Variants in UBXN6 observed in about 807,000 individuals in gnomAD.
UBXN6 encodes the protein UBX domain-containing protein 6.
UBXN6 carries 44 observed loss-of-function variants against 51.4 expected under a neutral mutation model. That is an observed-to-expected ratio of 0.86 (90% CI 0.67 to 1.10). UBXN6 has a LOEUF of 1.10. Among genes scored for constraint, UBXN6 ranks in the 50% least tolerant of loss-of-function variants. UBXN6 has a pLI of 0.00. For missense variants in UBXN6, 672 were observed against 596.1 expected, an observed-to-expected ratio of 1.13 and a Z score of -1.32; for synonymous variants, 316 against 263.2, an observed-to-expected ratio of 1.20 and a Z score of -1.94.
rs540309030 is a variant in UBXN6, at chr19:4,445,323, A to G, written c.*175T>C. Reference sequence around the variant, plus strand: ...GGCGCATCCCCACAGCCCCCAAGGGATGGGGGCTCTGCCACGGGGCCCAAT... The same window carrying G: ...GGCGCATCCCCACAGCCCCCAAGGGGTGGGGGCTCTGCCACGGGGCCCAAT... On this transcript the variant is annotated 3_prime_UTR_variant, in exon 11 of 11. Coordinates refer to ENST00000301281, the MANE Select transcript of UBXN6 (RefSeq NM_025241.3). 6.3e-5 allele frequency: 68 copies of G among 1,080,444 alleles called. 2 individuals carry two copies. The South Asian group carries it at 1.0e-3, about 16-fold the overall frequency. 66.9% of individuals were successfully genotyped at this position (1,080,444 alleles called of 1,614,324 possible). A position where few individuals can be genotyped will look rare whatever the true frequency, so the allele number is the denominator to read the frequency against.
At chr19:4,448,118 G>T in intron 5 of UBXN6, 200 bp downstream of exon 5, 1 of 599,554 alleles carries the variant, frequency 1.7e-6, no homozygotes, top group Non-Finnish European at 3.0e-6. Flanking sequence ...CCTTCATTTT[G>T]CACACGGGTA....
chr19:4,448,495 G>GC, intron 4 of UBXN6, 80 bp from the exon 5 acceptor site: 1 of 1,167,698 alleles, frequency 8.6e-7, no homozygotes, highest in Non-Finnish European at 1.2e-6. Context: ...AACAGGGGCA[G>GC]GAAAAGGAAG....
chr19:4,450,601 A>G (rs1408704200), intron 4 of UBXN6: 2 of 151,966 alleles, frequency 1.3e-5, no homozygotes, highest in Non-Finnish European at 2.9e-5. Context: ...TACTAAAAAT[A>G]CAAAGAATCA....
chr19:4,448,272 G>A, intron 5 of UBXN6, 46 bp downstream of exon 5: 11 of 1,519,522 alleles, frequency 7.2e-6, no homozygotes, highest in Non-Finnish European at 9.8e-6. Flanking sequence ...AGGGGTGCTG[G>A]GATGAGCTGG....
intron 5 of UBXN6, 35 bp downstream of exon 5, chr19:4,448,283 A>AGG (rs755597683): frequency 9.7e-6 from 15 of 1,553,296 alleles, no homozygotes; most frequent in Admixed American, 3.7e-5. Flanking sequence ...GATGAGCTGG[A>AGG]GGGGCCAGGC....
Position 4,456,791 on chromosome 19 carries a change from C to T in UBXN6, c.83+824G>A, listed in dbSNP as rs144165012. ...GAAGCCTCGCAGAGAAGCTCTTTCTCCCAGCCTGCTAAGACGCGTCTGTCT... is the reference window on the plus strand; with the variant it reads ...GAAGCCTCGCAGAGAAGCTCTTTCTTCCAGCCTGCTAAGACGCGTCTGTCT... On this transcript the variant is annotated intron_variant, in intron 1 of 10. Coordinates refer to ENST00000301281, the MANE Select transcript of UBXN6 (RefSeq NM_025241.3). 2.1e-3 allele frequency among the ~76,000 whole-genome samples: 316 copies of T among 152,270 alleles called. 9 individuals are homozygous for T. In the East Asian group the frequency reaches 0.052, roughly 25 times the overall value.
intron 6 of UBXN6, chr19:4,447,270 C>T (rs1599674613): frequency 1.7e-6 from 1 of 572,608 alleles, no homozygotes; most frequent in Non-Finnish European, 3.1e-6. Context: ...GAGAAACCTC[C>T]CCAGAGTCGA....
At position 4,446,176 on chromosome 19, in the gene UBXN6, C is replaced by A; in HGVS notation, c.1073G>T (p.Arg358Leu). 1 of 1,607,672 alleles carries A rather than the reference C, an allele frequency of 6.2e-7. No individual in the cohort carries two copies. The highest frequency in any genetic ancestry group is 8.5e-7 in the Non-Finnish European group (1 of 1,178,848). The stretch of plus-strand genomic sequence containing the variant: ...GACGAACCCGTACACCGCCCCCAGC[C>A]GCTCCCGAGCGTAGAAAGTGCCTGG... ...LLQGTFYARE[R>L]LGAVYGFVRE... Residue 358 changes from arginine to leucine, a missense_variant, in exon 10 of 11, where the codon CGG (arginine) becomes CTG (leucine). Physicochemically the swap from Arg to Leu is moderately radical, Grantham distance 102. Coordinates refer to ENST00000301281, the MANE Select transcript of UBXN6 (RefSeq NM_025241.3).
chr19:4,445,522 C>T lies in UBXN6; in HGVS notation c.1302G>A (p.Leu434=). 6.2e-7 allele frequency: 1 copy of T among 1,613,956 alleles called. No individual in the cohort carries two copies. The highest frequency in any genetic ancestry group is 8.5e-7 in the Non-Finnish European group (1 of 1,179,994). ...EPDSILKPEL[L]SAIEKLL is the part of the protein sequence containing the mutation. ...TTCACAAGAGCTTCTCGATGGCTGA[C>T]AGGAGCTCGGGTTTCAGGATGGAGT... Residue 434 remains leucine (L), a synonymous_variant, in exon 11 of 11, where the codon CTG becomes CTA. Coordinates refer to ENST00000301281, the MANE Select transcript of UBXN6 (RefSeq NM_025241.3).
At chr19:4,448,289 C>T (rs1974581108) in intron 5 of UBXN6, 29 bp downstream of exon 5, 2 of 1,572,214 alleles carry the variant, frequency 1.3e-6, no homozygotes, top group Non-Finnish European at 8.6e-7. Context: ...CTGGAGGGGC[C>T]AGGCAGGGCA....
Position 4,447,468 on chromosome 19 carries a change from C to G in UBXN6, c.615+82G>C, listed in dbSNP as rs571808725. ...CTAGCTCCTCCAGGGAGCCCACCGCCTGGTGTGGGCCACCACCGGCTCCTG... is the reference window on the plus strand; with the variant it reads ...CTAGCTCCTCCAGGGAGCCCACCGCGTGGTGTGGGCCACCACCGGCTCCTG... On this transcript the variant is annotated intron_variant, in intron 6 of 10. Coordinates refer to ENST00000301281, the MANE Select transcript of UBXN6 (RefSeq NM_025241.3). 3.3e-6 allele frequency: 5 copies of G among 1,493,780 alleles called. No homozygotes were observed. The South Asian group carries it at 4.5e-5, about 14-fold the overall frequency. The allele number at this position is 1,493,780 out of a possible 1,614,324, so 92.5% of individuals were successfully genotyped here.
chr19:4,446,496 C>A lies in UBXN6; in HGVS notation c.920+4G>T. ...CCACTCTGCTCCGCGGACGTCAGGC[C>A]CACCTGAGCCTCTGCTCCCGCTTGA... On this transcript the variant is annotated splice_donor_region_variant and intron_variant, in intron 8 of 10. Transcript: ENST00000301281. 1.2e-6 allele frequency: 2 copies of A among 1,605,212 alleles called. No homozygotes were observed. The highest frequency in any genetic ancestry group is 1.7e-6 in the Non-Finnish European group (2 of 1,177,422).
rs773725600 is a variant in UBXN6 at position 4,453,462 on chromosome 19, T to G, written c.308A>C (p.Asn103Thr). 1.2e-6 allele frequency: 2 copies of G among 1,613,382 alleles called. No individual in the cohort carries two copies. Among genetic ancestry groups the G allele is most frequent in the Admixed American group, 3.3e-5 (2 of 59,958 alleles). Reference sequence around the variant, plus strand: ...GCCACCAGTGGCTGTTCTTACCACGTTGGTCCCTGGGGCCTCGGGGCTCCC... The same window carrying G: ...GCCACCAGTGGCTGTTCTTACCACGGTGGTCCCTGGGGCCTCGGGGCTCCC... ...VSGSPEAPGT[N>T]VVSEPREEGS... Residue 103 changes from asparagine (N) to threonine (T), a missense_variant, in exon 3 of 11, where the codon AAC (asparagine) becomes ACC (threonine). Transcript: ENST00000301281.
At chr19:4,457,838 G>A (rs921639915), upstream of UBXN6, 3 of 462,970 alleles carry the variant, frequency 6.5e-6, no homozygotes, top group Non-Finnish European at 1.0e-5. Flanking sequence ...CCTCGCCGCC[G>A]GAAGTCCCGC....
Position 4,445,037 on chromosome 19 carries a change from T to C in UBXN6, c.*461A>G, listed in dbSNP as rs1270859421. 6.1e-6 allele frequency: 1 copy of C among 163,826 alleles called. No individual in the cohort carries two copies. The highest frequency in any genetic ancestry group is 1.3e-5 in the Non-Finnish European group (1 of 75,172). 10.1% of individuals were successfully genotyped at this position (163,826 alleles called of 1,614,324 possible). On this transcript the variant is annotated 3_prime_UTR_variant, in exon 11 of 11. Coordinates refer to ENST00000301281, the MANE Select transcript of UBXN6 (RefSeq NM_025241.3). ...CAAACAACCTGTTTATTTGGGCTTA[T>C]GATTTACTAACTGCAGGTCTATGTG...
chr19:4,448,473 C>T (rs561316501), intron 4 of UBXN6, 58 bp from the exon 5 acceptor site: 25 of 1,403,390 alleles, frequency 1.8e-5, no homozygotes, highest in African/African-American at 5.7e-5. Flanking sequence ...CACGGCCCTC[C>T]GCTGCCCAGG....
At chr19:4,451,522 T>A (rs1005981876) in intron 4 of UBXN6, among the ~76,000 whole-genome samples, 2 of 152,218 alleles carry the variant, frequency 1.3e-5, no homozygotes, top group Non-Finnish European at 2.9e-5. Context: ...CCAGCTATTT[T>A]TTTTTGTTTT....
At chr19:4,445,810 C>T in intron 10 of UBXN6, 187 bp from the exon 11 acceptor site, 1 of 1,092,810 alleles carries the variant, frequency 9.2e-7, no homozygotes, top group Non-Finnish European at 1.3e-6. Context: ...CCTAAACCTA[C>T]TGCACTAGCT....
rs1974493309 is a variant in UBXN6, at chr19:4,445,626, G to T, written c.1201-3C>A. On this transcript the variant is annotated splice_region_variant and splice_polypyrimidine_tract_variant and intron_variant, in intron 10 of 10. Transcript: ENST00000301281. Reference sequence around the variant, plus strand: ...AAGGTCAGGAGGGCAGAGGGCACCTGCGGTAGGGGTAGGCCGTCACTCTGA... The same window carrying T: ...AAGGTCAGGAGGGCAGAGGGCACCTTCGGTAGGGGTAGGCCGTCACTCTGA... 1 of 1,612,546 alleles carries T rather than the reference G, an allele frequency of 6.2e-7. No homozygotes were observed.
Sources: gnomAD v4.1 joint callset for allele counts (sites outside exome capture counted in the v4.1 genomes callset) on GRCh38, gnomAD v4.1.1 for gene constraint, MANE v1.5 for transcripts, NCBI Gene and HGNC (gene_info 2026-07-23, HGNC 2026-07-21) for gene names.